SFXN4: variants seen among roughly 807,000 people sequenced by gnomAD.
SFXN4 encodes the protein sideroflexin-4.
SFXN4 carries 48 observed loss-of-function variants against 54.6 expected under a neutral mutation model. The observed-to-expected ratio is 0.88, with a 90% CI of 0.70 to 1.12. The LOEUF (loss-of-function observed/expected upper bound fraction) is 1.12, where lower values mean the gene tolerates loss of function less well. Ranked by LOEUF, SFXN4 falls within the 50% of genes most tolerant of loss-of-function variation. The probability of loss-of-function intolerance (pLI) is 0.00; values close to 1 mark genes in which losing one functional copy is unlikely to be tolerated. For missense variants in SFXN4, 383 were observed against 409.2 expected (o/e 0.94, Z 0.55); for synonymous variants, 130 against 145.5 (o/e 0.89, Z 0.77).
intron 12 of SFXN4, among the ~76,000 whole-genome samples, chr10:119,146,891 TC>T (rs1846838589): frequency 6.6e-6 from 1 of 152,102 alleles, no homozygotes; most frequent in South Asian, 2.1e-4. Context: ...GGAAATGTGC[TC>T]CATGTGTGGT....
In SFXN4 at chr10:119,165,518, C is replaced by A. The variant is rs778490252; in HGVS notation, c.111+19G>T. 5.7e-6 allele frequency: 9 copies of A among 1,567,504 alleles called. No individual in the cohort carries two copies. The South Asian group carries it at 9.0e-5, about 16-fold the overall frequency. Reference sequence around the variant, plus strand: ...CCCGCCCCCTCCCTGCCCCTAGTCGCGCCGGGCCCGGGCCGTACTTGGCGC... The same window carrying A: ...CCCGCCCCCTCCCTGCCCCTAGTCGAGCCGGGCCCGGGCCGTACTTGGCGC... On this transcript the variant is annotated intron_variant, in intron 1 of 13. Transcript: ENST00000355697.
chr10:119,150,130 T>C (rs1589631239), intron 11 of SFXN4, among the ~76,000 whole-genome samples: 1 of 149,618 alleles, frequency 6.7e-6, no homozygotes, highest in African/African-American at 2.4e-5. Context: ...CACTTTATTC[T>C]TCAGAGAAAA....
intron 11 of SFXN4, among the ~76,000 whole-genome samples, chr10:119,153,684 G>A (rs1490038649): frequency 6.6e-6 from 1 of 152,168 alleles, no homozygotes; most frequent in African/African-American, 2.4e-5. Flanking sequence ...AGCACACACT[G>A]GGAGGGCAGA....
At chr10:119,164,032 C>T in intron 2 of SFXN4, 99 bp downstream of exon 2, 1 of 737,418 alleles carries the variant, frequency 1.4e-6, no homozygotes, top group South Asian at 1.7e-5. Context: ...AAGAACGAAA[C>T]TCCGTCTCAA....
At chr10:119,159,690 GC>G in intron 6 of SFXN4, 37 bp downstream of exon 6, 1 of 1,611,024 alleles carries the variant, frequency 6.2e-7, no homozygotes, top group Non-Finnish European at 8.5e-7. Flanking sequence ...ATCTTCCCAA[GC>G]CCCTAGTCTC....
rs568683793 is a variant in SFXN4 at position 119,150,396 on chromosome 10, T to C, written c.733-2536A>G. On this transcript the variant is annotated intron_variant, in intron 11 of 13. Transcript: ENST00000355697. ...AACAACTTGCTCATTGGATATTTGCTCTAAGCTGGGTGCAGTGCCTCACAC... is the reference window on the plus strand; with the variant it reads ...AACAACTTGCTCATTGGATATTTGCCCTAAGCTGGGTGCAGTGCCTCACAC... 3.3e-5 allele frequency among the ~76,000 whole-genome samples: 5 copies of C among 152,106 alleles called. No homozygotes were observed. In the South Asian group the frequency reaches 1.0e-3, roughly 32 times the overall value.
Position 119,148,935 on chromosome 10 carries a change from G to A in SFXN4, c.733-1075C>T, listed in dbSNP as rs556446464. Reference sequence around the variant, plus strand: ...AGGGTCTCACTCTGTCATCCAGGCTGGAGTACAGTAGCGTGATCACGGCTC... The same window carrying A: ...AGGGTCTCACTCTGTCATCCAGGCTAGAGTACAGTAGCGTGATCACGGCTC... On this transcript the variant is annotated intron_variant, in intron 11 of 13. Coordinates refer to ENST00000355697, the MANE Select transcript of SFXN4 (RefSeq NM_213649.2). Among the ~76,000 whole-genome samples, 3 of 152,122 alleles carry A rather than the reference G, an allele frequency of 2.0e-5. 1 individual carries two copies. The highest frequency in any genetic ancestry group is 4.2e-4 in the South Asian group (2 of 4,808).
chr10:119,159,632 G>A (rs1028701486), intron 6 of SFXN4, 96 bp downstream of exon 6: 1 of 1,294,444 alleles, frequency 7.7e-7, no homozygotes, highest in Non-Finnish European at 1.1e-6. Context: ...TCATGTGACA[G>A]GGGTCCGGAG....
At chr10:119,158,305 G>A (rs1847358718) in intron 6 of SFXN4, among the ~76,000 whole-genome samples, 1 of 152,142 alleles carries the variant, frequency 6.6e-6, no homozygotes, top group East Asian at 1.9e-4. Context: ...CAGGGCCTTA[G>A]TCCAGCAGGG....
chr10:119,155,081 G>C lies in SFXN4; in HGVS notation c.713C>G (p.Ser238Cys). The change falls in exon 11 of 14, where the codon TCC becomes TGC. Residue 238 changes from serine (S) to cysteine (C), a missense_variant. Ser to Cys is a moderately radical substitution (Grantham distance 112). Coordinates refer to ENST00000355697, the MANE Select transcript of SFXN4 (RefSeq NM_213649.2). ...MDKEGNVLGH[S>C]RIAGTKAVRE... The stretch of plus-strand genomic sequence containing the variant: ...TCTTACCTTTGTCCCAGCAATTCTG[G>C]AATGACCCAGGACATTGCCTTCCTT... 1 of 1,613,638 alleles carries C rather than the reference G, an allele frequency of 6.2e-7. No homozygotes were observed.
chr10:119,157,829 A>G (rs771652617), intron 8 of SFXN4, 42 bp downstream of exon 8: 8 of 1,611,470 alleles, frequency 5.0e-6, no homozygotes, highest in Non-Finnish European at 6.8e-6. Context: ...TCCAAAAGGA[A>G]TAACACAAAA....
chr10:119,143,426 C>G (rs1468994676), intron 13 of SFXN4, among the ~76,000 whole-genome samples: 1 of 151,908 alleles, frequency 6.6e-6, no homozygotes, highest in Non-Finnish European at 1.5e-5. Context: ...GCCTTGACCT[C>G]CCATGCTCAG....
At chr10:119,165,252 G>T (rs145671744) in intron 1 of SFXN4, 2 of 1,154,034 alleles carry the variant, frequency 1.7e-6, no homozygotes, top group African/African-American at 1.6e-5. Flanking sequence ...CCACAGCTCA[G>T]GCAGTAGGGA....
Position 119,164,215 on chromosome 10 carries a change from A to G in SFXN4, c.112-19T>C. On this transcript the variant is annotated intron_variant, in intron 1 of 13. Transcript: ENST00000355697. ...TAAAGGACTTAGGAGGGAGAAAAGCAACAGAGAGGTTAATGGCAGCAGAAA... is the reference window on the plus strand; with the variant it reads ...TAAAGGACTTAGGAGGGAGAAAAGCGACAGAGAGGTTAATGGCAGCAGAAA... 1.3e-6 allele frequency: 2 copies of G among 1,484,700 alleles called. No individual in the cohort carries two copies. The allele number at this position is 1,484,700 out of a possible 1,614,324, so 92.0% of individuals were successfully genotyped here. A position where few individuals can be genotyped will look rare whatever the true frequency, so the allele number is the denominator to read the frequency against.
intron 5 of SFXN4, 113 bp from the exon 6 acceptor site, chr10:119,159,866 C>G: frequency 4.5e-6 from 5 of 1,104,356 alleles, no homozygotes; most frequent in Non-Finnish European, 6.9e-6. Flanking sequence ...AAGGCACAGA[C>G]CTCAAAGGAC....
chr10:119,142,726 A>ATT (rs573311460), intron 13 of SFXN4, among the ~76,000 whole-genome samples: 190 of 77,416 alleles, frequency 2.5e-3, no homozygotes, highest in East Asian at 5.2e-3. Context: ...AATGTTTTGA[A>ATT]TTTTTTTTTT....
At chr10:119,161,716 GTCCCCGAA>G (rs772435307) in intron 3 of SFXN4, among the ~76,000 whole-genome samples, 2 of 152,164 alleles carry the variant, frequency 1.3e-5, no homozygotes, top group East Asian at 3.8e-4. Context: ...CCTCAGATGA[GTCCCCGAA>G]TCCGGCTTGC....
At chr10:119,152,247 G>C (rs1240370715) in intron 11 of SFXN4, among the ~76,000 whole-genome samples, 1 of 147,576 alleles carries the variant, frequency 6.8e-6, no homozygotes, top group Non-Finnish European at 1.5e-5. Flanking sequence ...TTTTTCCCCA[G>C]GGGAAAGCGC....
chr10:119,161,039 A>T lies in SFXN4; in HGVS notation c.279+16T>A, dbSNP rs1386690296. The T allele has an allele frequency of 1.2e-6, 2 of 1,614,054 alleles. No homozygotes were observed. Among genetic ancestry groups the T allele is most frequent in the Non-Finnish European group, 8.5e-7 (1 of 1,180,000 alleles). ...TATTATAGGACACTAAAAATTAGGA[A>T]GGGGCTGAAACTTACAAGACTCCGC... On this transcript the variant is annotated intron_variant, in intron 4 of 13. Transcript: ENST00000355697.
Sources: gnomAD v4.1 joint callset for allele counts (sites outside exome capture counted in the v4.1 genomes callset) on GRCh38, gnomAD v4.1.1 for gene constraint, MANE v1.5 for transcripts, NCBI Gene and HGNC (gene_info 2026-07-23, HGNC 2026-07-21) for gene names.